ZC2HC1A: variants seen among roughly 807,000 people sequenced by gnomAD.
The protein encoded by ZC2HC1A is zinc finger C2HC domain-containing protein 1A.
A neutral mutation model predicts 40.7 loss-of-function variants in ZC2HC1A; 28 were observed. The ratio of observed to expected loss-of-function variants is 0.69; its 90% CI spans 0.51 to 0.94. The LOEUF (loss-of-function observed/expected upper bound fraction) is 0.94, where lower values mean the gene tolerates loss of function less well. Ranked by LOEUF, ZC2HC1A falls within the 40% of genes least tolerant of loss-of-function variation. ZC2HC1A has a pLI of 0.00. For missense variants in ZC2HC1A, 389 were observed against 386.3 expected, an observed-to-expected ratio of 1.01 and a Z score of -0.06; for synonymous variants, 129 against 129.2, an observed-to-expected ratio of 1.00 and a Z score of 0.01.
At position 78,715,311 on chromosome 8, in the gene ZC2HC1A, T is replaced by A; in HGVS notation, c.795T>A (p.Thr265=). The A allele has an allele frequency of 6.2e-7, 1 of 1,613,410 alleles. No homozygotes were observed. The highest frequency in any genetic ancestry group is 8.5e-7 in the Non-Finnish European group (1 of 1,179,728). The change falls in exon 8 of 9, where the codon ACT becomes ACA. Residue 265 remains threonine (T), a synonymous_variant. Transcript: ENST00000263849. The stretch of plus-strand genomic sequence containing the variant: ...TTACAAACAAAAGAAAAACATATAC[T>A]GAGAGCTACATAGCCAGGTATGTTT... ...GVLTNKRKTY[T]ESYIARPDGD... is the part of the protein sequence containing the mutation.
chr8:78,670,294 G>C (rs1458986766), intron 1 of ZC2HC1A, among the ~76,000 whole-genome samples: 1 of 152,062 alleles, frequency 6.6e-6, no homozygotes, highest in African/African-American at 2.4e-5. Flanking sequence ...TATAGTGCTT[G>C]GCCTGATAAT....
Position 78,715,219 on chromosome 8 carries a change from A to AGG in ZC2HC1A, c.705-1_705insGG, listed in dbSNP as rs780143924. ...TTCCATTATTTTTCCTCTTTTTTAT[A>AGG]GAGCTAATGTCAAACCCCGAAATTC... On this transcript the variant is annotated splice_acceptor_variant, in intron 7 of 8. Coordinates refer to ENST00000263849, the MANE Select transcript of ZC2HC1A (RefSeq NM_016010.3). LOFTEE classifies it high-confidence loss of function. 1 of 1,611,292 alleles carries AGG rather than the reference A, an allele frequency of 6.2e-7. No individual in the cohort carries two copies. The highest frequency in any genetic ancestry group is 1.3e-5 in the African/African-American group (1 of 74,702).
At chr8:78,680,909 G>C (rs1809756062) in intron 3 of ZC2HC1A, among the ~76,000 whole-genome samples, 1 of 152,144 alleles carries the variant, frequency 6.6e-6, no homozygotes, top group Non-Finnish European at 1.5e-5. Flanking sequence ...AATTTGGATA[G>C]CTACCAGCTG....
At chr8:78,694,964 G>A (rs934823053) in intron 5 of ZC2HC1A, among the ~76,000 whole-genome samples, 30 of 152,238 alleles carry the variant, frequency 2.0e-4, no homozygotes, top group African/African-American at 6.7e-4. Flanking sequence ...ACACAAAACC[G>A]TTGATTGATA....
chr8:78,674,492 T>G (rs1809518616), intron 1 of ZC2HC1A, among the ~76,000 whole-genome samples: 3 of 152,326 alleles, frequency 2.0e-5, no homozygotes, highest in African/African-American at 7.2e-5. Context: ...CTCTGGATTG[T>G]TAGTGGACTT....
At chr8:78,700,861 A>G (rs1206990838) in intron 7 of ZC2HC1A, among the ~76,000 whole-genome samples, 1 of 151,334 alleles carries the variant, frequency 6.6e-6, no homozygotes, top group Admixed American at 6.6e-5. Flanking sequence ...CCACTGGTCC[A>G]TGTTCCAGTA....
chr8:78,691,666 T>C (rs914158421), intron 5 of ZC2HC1A, among the ~76,000 whole-genome samples: 5 of 152,128 alleles, frequency 3.3e-5, no homozygotes. Context: ...CCTTTTGTCT[T>C]CATAAGATTT....
At position 78,697,396 on chromosome 8, in the gene ZC2HC1A, C is replaced by A; in HGVS notation, c.505-11C>A. 1 of 1,562,112 alleles carries A rather than the reference C, an allele frequency of 6.4e-7. No homozygotes were observed. The highest frequency in any genetic ancestry group is 8.6e-7 in the Non-Finnish European group (1 of 1,158,302). ...GTGATGTTGATTAATATTTTTTTTC[C>A]ATTATTTTAGTATAAGCCACCCGCA... is the stretch of plus-strand genomic sequence containing the variant. On this transcript the variant is annotated splice_polypyrimidine_tract_variant and intron_variant, in intron 5 of 8. Coordinates refer to ENST00000263849, the MANE Select transcript of ZC2HC1A (RefSeq NM_016010.3).
At chr8:78,695,360 A>T (rs1266970816) in intron 5 of ZC2HC1A, among the ~76,000 whole-genome samples, 1 of 152,196 alleles carries the variant, frequency 6.6e-6, no homozygotes, top group East Asian at 1.9e-4. Flanking sequence ...TATTATATAC[A>T]TAAAAATCTT....
intron 4 of ZC2HC1A, 55 bp downstream of exon 4, chr8:78,686,663 G>A: frequency 7.2e-7 from 1 of 1,395,876 alleles, no homozygotes; most frequent in African/African-American, 1.5e-5. Flanking sequence ...TAATGATAGA[G>A]TTTTTATAAA....
intron 7 of ZC2HC1A, among the ~76,000 whole-genome samples, chr8:78,703,515 TTA>T (rs1275591858): frequency 6.7e-6 from 1 of 150,230 alleles, no homozygotes; most frequent in Non-Finnish European, 1.5e-5. Context: ...ATTGAACCCT[TTA>T]CCATTATGTA....
chr8:78,679,978 G>C (rs1056469402), intron 3 of ZC2HC1A, among the ~76,000 whole-genome samples: 1 of 151,988 alleles, frequency 6.6e-6, no homozygotes, highest in Non-Finnish European at 1.5e-5. Context: ...TAATATAGTG[G>C]GTGTTAAAAT....
intron 3 of ZC2HC1A, chr8:78,679,354 A>G (rs985150305): frequency 1.3e-5 from 2 of 152,154 alleles, no homozygotes; most frequent in Non-Finnish European, 2.9e-5. Flanking sequence ...TGGATACTCA[A>G]ACTCCTTATG....
intron 7 of ZC2HC1A, among the ~76,000 whole-genome samples, chr8:78,699,445 A>G (rs1452922127): frequency 6.6e-6 from 1 of 152,146 alleles, no homozygotes; most frequent in Non-Finnish European, 1.5e-5. Context: ...TTAATGAAAT[A>G]CAGCACACAT....
At chr8:78,680,252 A>G (rs1809728807) in intron 3 of ZC2HC1A, among the ~76,000 whole-genome samples, 1 of 143,410 alleles carries the variant, frequency 7.0e-6, no homozygotes, top group Non-Finnish European at 1.5e-5. Context: ...TACAGTCCGC[A>G]GTCCGGCCTG....
chr8:78,685,171 A>C (rs1809926125), intron 3 of ZC2HC1A, among the ~76,000 whole-genome samples: 1 of 152,216 alleles, frequency 6.6e-6, no homozygotes, highest in Non-Finnish European at 1.5e-5. Context: ...AAAGGAATTT[A>C]GTGATTATAC....
chr8:78,681,915 T>C (rs199814131), intron 3 of ZC2HC1A, among the ~76,000 whole-genome samples: 10 of 127,884 alleles, frequency 7.8e-5, no homozygotes, highest in African/African-American at 2.5e-4. Context: ...TTTTTTTTTT[T>C]CTTTTTTTTG....
intron 7 of ZC2HC1A, among the ~76,000 whole-genome samples, chr8:78,704,445 AG>A (rs985850119): frequency 2.5e-4 from 37 of 150,148 alleles, no homozygotes; most frequent in African/African-American, 9.0e-4. Flanking sequence ...TCTGGCTTGT[AG>A]GGTTTCCACT....
rs60056547 is a variant in ZC2HC1A at position 78,686,431 on chromosome 8, GTTTATTTA to G, written c.211-10_211-3del. On this transcript the variant is annotated intron_variant, in intron 3 of 8. Coordinates refer to ENST00000263849, the MANE Select transcript of ZC2HC1A (RefSeq NM_016010.3). ...TCAATATACTAAAAAGATACTGTTT[GTTTATTTA>G]TTTATTTATTTATTTATTTATTTAT... 1,916 of 1,144,278 alleles carry G rather than the reference GTTTATTTA, an allele frequency of 1.7e-3. 3 individuals are homozygous for G. The highest frequency in any genetic ancestry group is 5.5e-3 in the South Asian group (217 of 39,670). The allele number at this position is 1,144,278 out of a possible 1,614,324, so 70.9% of individuals were successfully genotyped here. A position where few individuals can be genotyped will look rare whatever the true frequency, so the allele number is the denominator to read the frequency against.
Sources: gnomAD v4.1 joint callset for allele counts (sites outside exome capture counted in the v4.1 genomes callset) on GRCh38, gnomAD v4.1.1 for gene constraint, MANE v1.5 for transcripts, NCBI Gene and HGNC (gene_info 2026-07-23, HGNC 2026-07-21) for gene names.